CREBRF: variants seen among roughly 807,000 people sequenced by gnomAD.
CREBRF encodes CREB3 regulatory factor.
In CREBRF, 5 loss-of-function variants were observed where a neutral mutation model predicts 66.1. The observed-to-expected ratio is 0.08, with a 90% CI of 0.04 to 0.16. CREBRF has a LOEUF of 0.16. CREBRF is among the 10% of genes least tolerant of loss of function. CREBRF has a pLI of 1.00. For synonymous variants in CREBRF, 229 were observed against 264.4 expected, an observed-to-expected ratio of 0.87 and a Z score of 1.30; for missense variants, 531 against 744.9, an observed-to-expected ratio of 0.71 and a Z score of 3.34.
chr5:173,103,394 T>A (rs1001263190), intron 4 of CREBRF, among the ~76,000 whole-genome samples: 3 of 152,230 alleles, frequency 2.0e-5, no homozygotes, highest in Admixed American at 6.5e-5. Flanking sequence ...TTTCTCCTTT[T>A]CCTAGAAGAG....
At chr5:173,083,220 A>T (rs1758021735) in intron 2 of CREBRF, among the ~76,000 whole-genome samples, 2 of 151,998 alleles carry the variant, frequency 1.3e-5, no homozygotes, top group Non-Finnish European at 2.9e-5. Context: ...CCAAAAAAAA[A>T]TAAATAAATA....
rs1337562205 is a variant in CREBRF, at chr5:173,085,765, A to G, written c.10-736A>G. Reference sequence around the variant, plus strand: ...TCTGTGTGAGTGTAGAACACTCCACATACCTGATGGCCTTCAGGTCATGGG... The same window carrying G: ...TCTGTGTGAGTGTAGAACACTCCACGTACCTGATGGCCTTCAGGTCATGGG... On this transcript the variant is annotated intron_variant, in intron 2 of 8. Transcript: ENST00000296953. 5 of 774,310 alleles carry G rather than the reference A, an allele frequency of 6.5e-6. No homozygotes were observed. The African/African-American group carries it at 6.8e-5, about 11-fold the overall frequency. The allele number at this position is 774,310 out of a possible 1,614,324, so 48.0% of individuals were successfully genotyped here. A position where few individuals can be genotyped will look rare whatever the true frequency, so the allele number is the denominator to read the frequency against.
intron 7 of CREBRF, among the ~76,000 whole-genome samples, chr5:173,117,784 C>T (rs1219614266): frequency 6.7e-6 from 1 of 150,320 alleles, no homozygotes; most frequent in African/African-American, 2.5e-5. Flanking sequence ...GATCTCAGCT[C>T]ACTGCAACCT....
chr5:173,058,827 C>T (rs1386502784), intron 1 of CREBRF, among the ~76,000 whole-genome samples: 8 of 112,072 alleles, frequency 7.1e-5, no homozygotes, highest in African/African-American at 2.7e-4. Flanking sequence ...ACGGAGTCTC[C>T]GTCTGTCGCC....
chr5:173,120,890 G>A (rs369284034), intron 7 of CREBRF, among the ~76,000 whole-genome samples: 10 of 151,294 alleles, frequency 6.6e-5, no homozygotes, highest in Non-Finnish European at 1.2e-4. Flanking sequence ...ATGGGGTTTC[G>A]TCATGTTGGC....
At chr5:173,082,484 T>C (rs551020825) in intron 2 of CREBRF, among the ~76,000 whole-genome samples, 1 of 151,270 alleles carries the variant, frequency 6.6e-6, no homozygotes, top group African/African-American at 2.4e-5. Flanking sequence ...AAAAATACGA[T>C]GAGAGGGTCT....
chr5:173,092,144 T>C, intron 4 of CREBRF: 2 of 911,468 alleles, frequency 2.2e-6, no homozygotes, highest in Non-Finnish European at 2.6e-6. Context: ...TCTATTATAG[T>C]TGAGATAAGT....
At chr5:173,128,007 C>A (rs960914639) in intron 8 of CREBRF, among the ~76,000 whole-genome samples, 1 of 152,124 alleles carries the variant, frequency 6.6e-6, no homozygotes, top group African/African-American at 2.4e-5. Flanking sequence ...CTTTCTCCCC[C>A]CCAAAACCAG....
At chr5:173,065,693 A>G (rs1214448685) in intron 1 of CREBRF, among the ~76,000 whole-genome samples, 2 of 133,702 alleles carry the variant, frequency 1.5e-5, no homozygotes, top group Admixed American at 1.7e-4. Flanking sequence ...TAAAGACAGG[A>G]TGGTGCAGTG....
intron 2 of CREBRF, among the ~76,000 whole-genome samples, chr5:173,082,047 T>C (rs2113711051): frequency 7.9e-6 from 1 of 127,178 alleles, no homozygotes. Flanking sequence ...GGAGTCTCAC[T>C]CTGTTGCCCA....
At chr5:173,125,740 G>A (rs1020914163) in intron 8 of CREBRF, among the ~76,000 whole-genome samples, 3 of 152,114 alleles carry the variant, frequency 2.0e-5, no homozygotes, top group Non-Finnish European at 4.4e-5. Context: ...GGCACGCGCC[G>A]GTAGTCCCAG....
At chr5:173,129,108 T>TTTTTTTTTTG in intron 8 of CREBRF, among the ~76,000 whole-genome samples, 1 of 28,814 alleles carries the variant, frequency 3.5e-5, no homozygotes. Flanking sequence ...AGTTACATCT[T>TTTTTTTTTTG]TTTTTTTTTT....
At chr5:173,075,287 T>A (rs949905596) in intron 1 of CREBRF, among the ~76,000 whole-genome samples, 5 of 152,206 alleles carry the variant, frequency 3.3e-5, no homozygotes, top group African/African-American at 1.2e-4. Context: ...TAAAATATAG[T>A]GATTCACCTG....
chr5:173,081,640 C>T (rs564453138), intron 2 of CREBRF, among the ~76,000 whole-genome samples: 9 of 152,150 alleles, frequency 5.9e-5, no homozygotes, highest in South Asian at 2.1e-4. Flanking sequence ...GACCAGCGGC[C>T]GGCTAGGCAC....
chr5:173,083,784 G>A (rs952649637), intron 2 of CREBRF, among the ~76,000 whole-genome samples: 2 of 152,206 alleles, frequency 1.3e-5, no homozygotes, highest in African/African-American at 4.8e-5. Context: ...GATAGGTGCT[G>A]TATGGTGACT....
At chr5:173,079,406 T>C (rs1205607341) in intron 1 of CREBRF, among the ~76,000 whole-genome samples, 1 of 148,622 alleles carries the variant, frequency 6.7e-6, no homozygotes, top group African/African-American at 2.5e-5. Flanking sequence ...GAGGTTGCAG[T>C]GAGCCAAGAT....
At chr5:173,085,239 A>C (rs1045619955) in intron 2 of CREBRF, 10 of 419,120 alleles carry the variant, frequency 2.4e-5, no homozygotes, top group South Asian at 3.8e-5. Context: ...CACTGCCCCC[A>C]GCCTGAATTT....
At chr5:173,085,491 A>G (rs1273637496) in intron 2 of CREBRF, 2 of 572,644 alleles carry the variant, frequency 3.5e-6, no homozygotes, top group African/African-American at 1.9e-5. Context: ...ATCTCAGCTT[A>G]CTGCAACCTT....
At chr5:173,067,155 A>G (rs752729016) in intron 1 of CREBRF, among the ~76,000 whole-genome samples, 1 of 152,224 alleles carries the variant, frequency 6.6e-6, no homozygotes, top group Non-Finnish European at 1.5e-5. Context: ...TTGTATGGAC[A>G]TACCACAATT....
Sources: allele counts gnomAD v4.1 joint callset (sites outside exome capture counted in the v4.1 genomes callset), GRCh38; gene constraint gnomAD v4.1.1; transcripts MANE v1.5; gene names NCBI Gene and HGNC (gene_info 2026-07-23, HGNC 2026-07-21).